Variants in FAM107B observed in about 807,000 individuals in gnomAD.
FAM107B encodes protein FAM107B.
A neutral mutation model predicts 31.5 loss-of-function variants in FAM107B; 21 were observed. The ratio of observed to expected loss-of-function variants is 0.67; its 90% confidence interval spans 0.47 to 0.96. The LOEUF (loss-of-function observed/expected upper bound fraction) is 0.96, where lower values mean the gene tolerates loss of function less well. FAM107B is among the 40% of genes least tolerant of loss of function. The pLI is 0.00. For synonymous variants in FAM107B, 157 were observed against 141.5 expected, an observed-to-expected ratio of 1.11 and a Z score of -0.78; for missense variants, 452 against 377.1, an observed-to-expected ratio of 1.20 and a Z score of -1.64.
At position 14,522,665 on chromosome 10, in the gene FAM107B, C is replaced by T. The variant is rs528814016; in HGVS notation, c.654-646G>A. Among the ~76,000 whole-genome samples the T allele has an allele frequency of 8.9e-4, 135 of 152,170 alleles. 2 individuals are homozygous for T. In the South Asian group the frequency reaches 0.011, roughly 12 times the overall value. On this transcript the variant is annotated intron_variant, in intron 3 of 4. Transcript: ENST00000181796. ...TCCTGACCTCGGGATCCACTCGCCT[C>T]GGCCTCCCAAAGTGCTGGGATTACA...
At chr10:14,556,433 C>G (rs1195087241) in intron 2 of FAM107B, 2 of 985,258 alleles carry the variant, frequency 2.0e-6, no homozygotes, top group African/African-American at 1.7e-5. Context: ...CCAGTCAGCA[C>G]TCAGCATGCC....
At chr10:14,768,859 T>A (rs1833238766) in intron 1 of FAM107B, among the ~76,000 whole-genome samples, 2 of 152,204 alleles carry the variant, frequency 1.3e-5, no homozygotes, top group African/African-American at 2.4e-5. Flanking sequence ...GCATTCTGAC[T>A]TACGCATCAG....
At chr10:14,741,505 C>G (rs562931464) in intron 1 of FAM107B, among the ~76,000 whole-genome samples, 1 of 152,158 alleles carries the variant, frequency 6.6e-6, no homozygotes, top group East Asian at 1.9e-4. Context: ...AGTGTGAATC[C>G]CTGCATCTCC....
At chr10:14,726,399 C>T (rs544828793) in intron 1 of FAM107B, among the ~76,000 whole-genome samples, 10 of 152,204 alleles carry the variant, frequency 6.6e-5, no homozygotes, top group Admixed American at 6.5e-4. Context: ...GCCTCAGAGC[C>T]GAGCAGAACA....
chr10:14,549,508 CAT>C (rs1227399109), intron 2 of FAM107B, among the ~76,000 whole-genome samples: 1 of 152,208 alleles, frequency 6.6e-6, no homozygotes, highest in East Asian at 1.9e-4. Flanking sequence ...AATGTAAACA[CAT>C]TTGTAGTGAG....
In FAM107B at chr10:14,553,542, C is replaced by T. The variant is rs61836247; in HGVS notation, c.470-23027G>A. On this transcript the variant is annotated intron_variant, in intron 2 of 4. Transcript: ENST00000181796. Reference sequence around the variant, plus strand: ...GAAGGAAGTTCTCTGGTCCCTGGTACCAGGAACCAGTCAAGGGCCATTTAA... The same window carrying T: ...GAAGGAAGTTCTCTGGTCCCTGGTATCAGGAACCAGTCAAGGGCCATTTAA... 5.0e-3 allele frequency: 1,786 copies of T among 358,760 alleles called. 10 individuals are homozygous for T. Among genetic ancestry groups the T allele is most frequent in the Middle Eastern group, 0.013 (26 of 2,004 alleles). The allele number at this position is 358,760 out of a possible 1,614,324, so 22.2% of individuals were successfully genotyped here. A position where few individuals can be genotyped will look rare whatever the true frequency, so the allele number is the denominator to read the frequency against.
intron 2 of FAM107B, among the ~76,000 whole-genome samples, chr10:14,658,737 G>C (rs989252301): frequency 2.6e-4 from 40 of 152,134 alleles, no homozygotes; most frequent in African/African-American, 5.8e-4. Flanking sequence ...AAAGAGCAAG[G>C]GTTCATTCCC....
At chr10:14,557,518 C>G (rs1409292028) in intron 2 of FAM107B, among the ~76,000 whole-genome samples, 2 of 152,162 alleles carry the variant, frequency 1.3e-5, no homozygotes. Flanking sequence ...GGTCTGTGCT[C>G]TACTGTAATG....
At chr10:14,718,624 G>A (rs1385832892) in intron 1 of FAM107B, among the ~76,000 whole-genome samples, 1 of 152,164 alleles carries the variant, frequency 6.6e-6, no homozygotes, top group Non-Finnish European at 1.5e-5. Context: ...TGAGCAGTAG[G>A]AAGAATGCAC....
intron 1 of FAM107B, among the ~76,000 whole-genome samples, chr10:14,698,377 C>A (rs1362834778): frequency 6.6e-6 from 1 of 152,162 alleles, no homozygotes; most frequent in Non-Finnish European, 1.5e-5. Flanking sequence ...CAGGGGTGAA[C>A]AAAGTTCTGC....
chr10:14,519,976 G>C lies in FAM107B; in HGVS notation c.*1214C>G, dbSNP rs11542181. On this transcript the variant is annotated 3_prime_UTR_variant, in exon 5 of 5. Transcript: ENST00000181796. ...GAGCGTGCTGCTAGCTAGAACAAGG[G>C]AACTCAGCAGCCCCTCCCTTCCCAT... 3,854 of 152,696 alleles carry C rather than the reference G, an allele frequency of 0.025. 102 individuals are homozygous for C. The highest frequency in any genetic ancestry group is 0.12 in the East Asian group (640 of 5,176). The allele number at this position is 152,696 out of a possible 1,614,324, so 9.5% of individuals were successfully genotyped here. A position where few individuals can be genotyped will look rare whatever the true frequency, so the allele number is the denominator to read the frequency against.
chr10:14,549,474 T>C (rs1220937483), intron 2 of FAM107B, among the ~76,000 whole-genome samples: 1 of 152,240 alleles, frequency 6.6e-6, no homozygotes, highest in East Asian at 1.9e-4. Context: ...CCTTTTAAAC[T>C]AAGGGGGCTT....
intron 1 of FAM107B, among the ~76,000 whole-genome samples, chr10:14,766,457 C>T (rs1833163337): frequency 6.6e-6 from 1 of 152,120 alleles, no homozygotes; most frequent in Non-Finnish European, 1.5e-5. Context: ...GCTTAGTAGC[C>T]TCACGGAGTT....
chr10:14,690,485 G>T (rs764511698), intron 1 of FAM107B, among the ~76,000 whole-genome samples: 1 of 151,150 alleles, frequency 6.6e-6, no homozygotes, highest in East Asian at 2.0e-4. Flanking sequence ...ATGGAGTCTC[G>T]CTCTGTCGCC....
At chr10:14,622,427 C>T (rs1252092902) in intron 2 of FAM107B, among the ~76,000 whole-genome samples, 1 of 151,984 alleles carries the variant, frequency 6.6e-6, no homozygotes, top group African/African-American at 2.4e-5. Flanking sequence ...CTGCCTCAAC[C>T]TCCCGAGTAG....
chr10:14,744,087 G>C (rs1401055495), intron 1 of FAM107B, among the ~76,000 whole-genome samples: 1 of 152,088 alleles, frequency 6.6e-6, no homozygotes, highest in Admixed American at 6.5e-5. Context: ...TGTAGTCCTA[G>C]GTATTTTATT....
intron 2 of FAM107B, among the ~76,000 whole-genome samples, chr10:14,558,257 GCA>G (rs545734524): frequency 5.0e-4 from 76 of 152,108 alleles, no homozygotes; most frequent in East Asian, 2.3e-3. Context: ...ACGTGCACGC[GCA>G]CAGTCACACA....
At chr10:14,526,843 T>C (rs1447797580) in intron 3 of FAM107B, among the ~76,000 whole-genome samples, 1 of 151,598 alleles carries the variant, frequency 6.6e-6, no homozygotes, top group Non-Finnish European at 1.5e-5. Context: ...AATATTAATT[T>C]TTTTTTTTTT....
rs374732251 is a variant in FAM107B at position 14,656,322 on chromosome 10, A to T, written c.469+11312T>A. On this transcript the variant is annotated intron_variant, in intron 2 of 4. Coordinates refer to ENST00000181796, the MANE Select transcript of FAM107B (RefSeq NM_031453.4). Reference sequence around the variant, plus strand: ...ACTTCCAGGGCCAAAATTTCACTTCATTTGAAGGTTTTCAGGAAAACATGG... The same window carrying T: ...ACTTCCAGGGCCAAAATTTCACTTCTTTTGAAGGTTTTCAGGAAAACATGG... Among the ~76,000 whole-genome samples the T allele has an allele frequency of 7.2e-5, 11 of 152,328 alleles. No individual in the cohort carries two copies. In the South Asian group the frequency reaches 2.3e-3, roughly 32 times the overall value.
Sources: allele counts gnomAD v4.1 joint callset (sites outside exome capture counted in the v4.1 genomes callset), GRCh38; gene constraint gnomAD v4.1.1; transcripts MANE v1.5; gene names NCBI Gene and HGNC (gene_info 2026-07-23, HGNC 2026-07-21).